ZNRF3: variants seen among roughly 807,000 people sequenced by gnomAD.
The protein encoded by ZNRF3 is zinc and ring finger 3.
A neutral mutation model predicts 72.5 loss-of-function variants in ZNRF3; 23 were observed. The observed-to-expected ratio is 0.32, with a 90% confidence interval of 0.23 to 0.45. The LOEUF is 0.45. ZNRF3 is among the 20% of genes least tolerant of loss of function. The probability of loss-of-function intolerance (pLI) is 1.00; values close to 1 mark genes in which losing one functional copy is unlikely to be tolerated. For missense variants in ZNRF3, 1,169 were observed against 1,272.1 expected (o/e 0.92, Z 1.23); for synonymous variants, 610 against 545.3 (o/e 1.12, Z -1.65).
intron 2 of ZNRF3, among the ~76,000 whole-genome samples, chr22:28,992,201 C>G (rs1023155878): frequency 8.9e-5 from 13 of 146,666 alleles, no homozygotes; most frequent in Non-Finnish European, 1.8e-4. Flanking sequence ...CACCACCCCC[C>G]ACCCCCCGGA....
intron 1 of ZNRF3, among the ~76,000 whole-genome samples, chr22:28,983,323 G>A (rs769936683): frequency 1.3e-4 from 18 of 137,242 alleles, no homozygotes; most frequent in Middle Eastern, 3.5e-3. Flanking sequence ...TGACAGCCCC[G>A]AGGGACCCCT....
intron 1 of ZNRF3, among the ~76,000 whole-genome samples, chr22:28,898,912 G>A (rs1394820300): frequency 7.1e-6 from 1 of 140,510 alleles, no homozygotes; most frequent in Non-Finnish European, 1.5e-5. Flanking sequence ...TTCTGTATAA[G>A]TTGACATGCT....
chr22:28,937,895 T>C (rs1189188363), intron 1 of ZNRF3, among the ~76,000 whole-genome samples: 1 of 152,252 alleles, frequency 6.6e-6, no homozygotes, highest in Non-Finnish European at 1.5e-5. Context: ...GGAATAGTTT[T>C]AGATTTGTGG....
chr22:29,005,520 G>A (rs566181725), intron 2 of ZNRF3, among the ~76,000 whole-genome samples: 1 of 152,342 alleles, frequency 6.6e-6, no homozygotes, highest in Non-Finnish European at 1.5e-5. Context: ...GGAGGAAGAA[G>A]ACCCATGTCT....
Position 29,049,581 on chromosome 22 carries a change from C to A in ZNRF3, c.1400C>A (p.Thr467Asn). 6.2e-7 allele frequency: 1 copy of A among 1,607,358 alleles called. No homozygotes were observed. ...SKAACFSQYE[T>N]MYQHYYFQGL... ...GCAGCTTGCTTCTCCCAGTATGAGACCATGTACCAGCACTACTACTTCCAG... is the reference window on the plus strand; with the variant it reads ...GCAGCTTGCTTCTCCCAGTATGAGAACATGTACCAGCACTACTACTTCCAG... The change falls in exon 8 of 9, where the codon ACC becomes AAC. Residue 467 changes from threonine to asparagine, a missense_variant. Coordinates refer to ENST00000544604, the MANE Select transcript of ZNRF3 (RefSeq NM_001206998.2). The surrounding 1 kb of genome is among the most constrained non-coding windows in gnomAD (Gnocchi z 5.2).
At chr22:28,916,442 C>G (rs1463082718) in intron 1 of ZNRF3, among the ~76,000 whole-genome samples, 1 of 152,118 alleles carries the variant, frequency 6.6e-6, no homozygotes, top group Non-Finnish European at 1.5e-5. Flanking sequence ...ATTTTAGGTT[C>G]ATAATGTCAT....
At chr22:29,029,166 G>C (rs1355734880) in intron 2 of ZNRF3, among the ~76,000 whole-genome samples, 1 of 152,232 alleles carries the variant, frequency 6.6e-6, no homozygotes, top group African/African-American at 2.4e-5. Flanking sequence ...CTGGCAAGGA[G>C]CTCCAAGGAG....
rs1351162804 is a variant in ZNRF3 at position 29,044,637 on chromosome 22, C to T, written c.634-143C>T. 5 of 657,594 alleles carry T rather than the reference C, an allele frequency of 7.6e-6. No homozygotes were observed. In the East Asian group the frequency reaches 1.1e-4, roughly 15 times the overall value. 40.7% of individuals were successfully genotyped at this position (657,594 alleles called of 1,614,324 possible). ...AGGGAGCACACCATGTGCATGTGAG[C>T]AGAACCCCAGGAGTTTCCTGCAAAT... is the stretch of plus-strand genomic sequence containing the variant. On this transcript the variant is annotated intron_variant, in intron 4 of 8. Transcript: ENST00000544604.
chr22:29,050,847 G>C lies in ZNRF3; in HGVS notation c.2666G>C (p.Arg889Pro). The C allele has an allele frequency of 6.2e-7, 1 of 1,604,692 alleles. No homozygotes were observed. Among genetic ancestry groups the C allele is most frequent in the South Asian group, 1.1e-5 (1 of 90,596 alleles). The change falls in exon 8 of 9, where the codon CGG becomes CCG. Residue 889 changes from arginine to proline, a missense_variant. Physicochemically the swap from Arg to Pro is moderately radical, Grantham distance 103. Transcript: ENST00000544604. Reference sequence around the variant, plus strand: ...TGCTGCCAGGCTAGGGCCCTACTGCGGCCTGGCTGCCCTCCGGAGGAGGCG... The same window carrying C: ...TGCTGCCAGGCTAGGGCCCTACTGCCGCCTGGCTGCCCTCCGGAGGAGGCG... ...ALCCQARALL[R>P]PGCPPEEAGA...
intron 6 of ZNRF3, among the ~76,000 whole-genome samples, chr22:29,047,342 T>G (rs2037093856): frequency 2.0e-5 from 3 of 152,218 alleles, no homozygotes; most frequent in Non-Finnish European, 4.4e-5. Context: ...ATGAACATTT[T>G]GCCACATTTG....
intron 2 of ZNRF3, among the ~76,000 whole-genome samples, chr22:29,011,984 C>A (rs2036355185): frequency 6.6e-6 from 1 of 152,208 alleles, no homozygotes; most frequent in Non-Finnish European, 1.5e-5. Flanking sequence ...CCCACCACAG[C>A]CGGGGGACCC....
chr22:28,961,266 C>T (rs959644075), intron 1 of ZNRF3, among the ~76,000 whole-genome samples: 9 of 152,204 alleles, frequency 5.9e-5, no homozygotes, highest in Non-Finnish European at 1.2e-4. Context: ...AATACCATCA[C>T]CTTGGGGGTT....
intron 2 of ZNRF3, among the ~76,000 whole-genome samples, chr22:29,035,521 G>A (rs915362031): frequency 6.6e-6 from 1 of 152,200 alleles, no homozygotes; most frequent in Non-Finnish European, 1.5e-5. Context: ...GTTGAGTTAA[G>A]GGGGAAGTAG....
chr22:28,889,782 C>T (rs2033852761), intron 1 of ZNRF3, among the ~76,000 whole-genome samples: 1 of 152,220 alleles, frequency 6.6e-6, no homozygotes, highest in Non-Finnish European at 1.5e-5. Flanking sequence ...ACTTGACACT[C>T]TGAATGCAGG....
At chr22:29,051,090 C>A in intron 8 of ZNRF3, 142 bp downstream of exon 8, 1 of 955,512 alleles carries the variant, frequency 1.0e-6, no homozygotes, top group Non-Finnish European at 1.5e-6. Context: ...CCAAGGGTTA[C>A]TCCTCAGCCT....
In ZNRF3 at chr22:28,956,353, CTTTTT is replaced by C. The variant is rs61155224; in HGVS notation, c.301-30703_301-30699del. ...TCCGAATGGCCTTTGTTTCCATTTC[CTTTTT>C]TTTTTTTTTTTTTTTTTTTAAAGCT... On this transcript the variant is annotated intron_variant, in intron 1 of 8. Transcript: ENST00000544604. 6.1e-4 allele frequency among the ~76,000 whole-genome samples: 67 copies of C among 110,432 alleles called. 2 individuals carry two copies. In the South Asian group the frequency reaches 0.014, roughly 23 times the overall value. The allele number at this position is 110,432 out of a possible 152,430, so 72.4% of individuals were successfully genotyped here. A position where few individuals can be genotyped will look rare whatever the true frequency, so the allele number is the denominator to read the frequency against.
intron 1 of ZNRF3, among the ~76,000 whole-genome samples, chr22:28,902,227 G>A (rs1167378676): frequency 2.6e-5 from 4 of 152,096 alleles, no homozygotes; most frequent in South Asian, 4.1e-4. Flanking sequence ...GTGAGCCACC[G>A]CGCTTGGCAA....
chr22:28,931,874 C>G (rs2034713573), intron 1 of ZNRF3, among the ~76,000 whole-genome samples: 1 of 152,298 alleles, frequency 6.6e-6, no homozygotes, highest in East Asian at 1.9e-4. Flanking sequence ...AATAGCTAAA[C>G]TTTGGTCTTA....
rs1037181535 is a variant in ZNRF3 at position 29,048,030 on chromosome 22, G to A, written c.913-359G>A. ...TGCAGAATATCTTGGGGTATACCTG[G>A]CCCTCTCTCCATACCCCTAAGCCTC... On this transcript the variant is annotated intron_variant, in intron 6 of 8. Coordinates refer to ENST00000544604, the MANE Select transcript of ZNRF3 (RefSeq NM_001206998.2). This position sits in a 1 kb window ranked among gnomAD's most constrained non-coding sequence, Gnocchi z 4.9. Among the ~76,000 whole-genome samples the A allele has an allele frequency of 6.6e-6, 1 of 152,102 alleles. No homozygotes were observed. Among genetic ancestry groups the A allele is most frequent in the African/African-American group, 2.4e-5 (1 of 41,416 alleles).
Sources: gnomAD v4.1 joint callset for allele counts (sites outside exome capture counted in the v4.1 genomes callset) on GRCh38, gnomAD v4.1.1 for gene constraint, Gnocchi (gnomAD v3.1) non-coding constraint, MANE v1.5 for transcripts, NCBI Gene and HGNC (gene_info 2026-07-23, HGNC 2026-07-21) for gene names.